Variants in C11orf65 observed in about 807,000 individuals in gnomAD.
C11orf65 encodes chromosome 11 open reading frame 65, also known as protein MFI.
C11orf65 carries 38 observed loss-of-function variants against 35.3 expected under a neutral mutation model. The ratio of observed to expected loss-of-function variants is 1.08; its 90% CI spans 0.83 to 1.41. C11orf65 has a LOEUF of 1.41. C11orf65 is among the 40% of genes most tolerant of loss of function. The pLI, the probability that C11orf65 is intolerant of heterozygous loss-of-function variation, is 0.00. For missense variants in C11orf65, 370 were observed against 367.1 expected (o/e 1.01, Z -0.06); for synonymous variants, 105 against 114.4 (o/e 0.92, Z 0.53).
At chr11:108,344,733 G>A (rs1354835104) in intron 2 of C11orf65, among the ~76,000 whole-genome samples, 2 of 152,118 alleles carry the variant, frequency 1.3e-5, no homozygotes, top group African/African-American at 4.8e-5. Flanking sequence ...GGCGGGTGTG[G>A]TAGCGCATGC....
At chr11:108,332,549 A>G (rs559103031) in intron 3 of C11orf65, among the ~76,000 whole-genome samples, 3 of 152,314 alleles carry the variant, frequency 2.0e-5, no homozygotes, top group South Asian at 4.1e-4. Context: ...GCAAAGTGAA[A>G]CAATAGATTT....
intron 2 of C11orf65, among the ~76,000 whole-genome samples, chr11:108,344,798 G>GT (rs1478755091): frequency 4.6e-5 from 7 of 152,180 alleles, no homozygotes; most frequent in African/African-American, 1.7e-4. Context: ...GAGCCCAGGA[G>GT]TTTAAGACCA....
chr11:108,413,504 G>A (rs955139923), intron 3 of C11orf65, among the ~76,000 whole-genome samples: 3 of 152,128 alleles, frequency 2.0e-5, no homozygotes, highest in African/African-American at 7.2e-5. Context: ...TTTCCCATTT[G>A]AATGCCTTTT....
chr11:108,387,257 A>C (rs2092033245), intron 7 of C11orf65, among the ~76,000 whole-genome samples: 1 of 145,040 alleles, frequency 6.9e-6, no homozygotes. Context: ...TGGGTTCAAG[A>C]GATTCTCCTG....
Position 108,434,601 on chromosome 11 carries a change from CT to C in C11orf65, c.82-2764del, listed in dbSNP as rs200053944. On this transcript the variant is annotated intron_variant, in intron 2 of 8. Transcript: ENST00000393084. ...TACTGCCACCACTGAGAGAGTCCAA[CT>C]TGCCAACACAGAGACTAACACTGAG... 7.9e-3 allele frequency among the ~76,000 whole-genome samples: 1,200 copies of C among 152,068 alleles called. 8 individuals are homozygous for C. Among genetic ancestry groups the C allele is most frequent in the African/African-American group, 0.025 (1,025 of 41,480 alleles).
chr11:108,387,720 G>A (rs1483896651), intron 7 of C11orf65, among the ~76,000 whole-genome samples: 2 of 151,980 alleles, frequency 1.3e-5, no homozygotes, highest in African/African-American at 2.4e-5. Context: ...TAGAGATGGG[G>A]TCTCGGTATT....
At chr11:108,392,056 TTG>T (rs146638284) in intron 7 of C11orf65, among the ~76,000 whole-genome samples, 18 of 150,254 alleles carry the variant, frequency 1.2e-4, no homozygotes, top group East Asian at 5.8e-4. Context: ...ACTTGGCTTT[TTG>T]TGTGTGTGTG....
intron 6 of C11orf65, among the ~76,000 whole-genome samples, chr11:108,309,914 T>C (rs1011935357): frequency 6.6e-6 from 1 of 152,152 alleles, no homozygotes; most frequent in African/African-American, 2.4e-5. Context: ...GGTGATAGTC[T>C]ACAGGTTTTA....
At chr11:108,354,981 G>A in intron 2 of C11orf65, 1 of 961,780 alleles carries the variant, frequency 1.0e-6, no homozygotes, top group Non-Finnish European at 1.7e-6. Context: ...TTAACATAGG[G>A]GGATGTGGCT....
chr11:108,455,818 A>G (rs1436744551), intron 2 of C11orf65, among the ~76,000 whole-genome samples: 2 of 137,764 alleles, frequency 1.5e-5, no homozygotes, highest in South Asian at 2.2e-4. Context: ...TCCACCTCAA[A>G]AAAAAAAAAA....
At chr11:108,319,433 A>T (rs1426102020) in intron 6 of C11orf65, among the ~76,000 whole-genome samples, 1 of 152,104 alleles carries the variant, frequency 6.6e-6, no homozygotes, top group Non-Finnish European at 1.5e-5. Flanking sequence ...CCCAGTTACC[A>T]TGCGGGTGGC....
At chr11:108,463,061 A>C (rs1309892638) in intron 1 of C11orf65, among the ~76,000 whole-genome samples, 1 of 152,110 alleles carries the variant, frequency 6.6e-6, no homozygotes, top group Non-Finnish European at 1.5e-5. Flanking sequence ...AGGAGTTCAA[A>C]ACTGCAGTGA....
chr11:108,446,720 T>C (rs2093266897), intron 2 of C11orf65, among the ~76,000 whole-genome samples: 1 of 152,110 alleles, frequency 6.6e-6, no homozygotes, highest in Admixed American at 6.5e-5. Context: ...AGAAACTGCA[T>C]CAACTAACGA....
At chr11:108,329,535 C>A (rs943600373), downstream of C11orf65, among the ~76,000 whole-genome samples, 2 of 152,198 alleles carry the variant, frequency 1.3e-5, no homozygotes, top group Non-Finnish European at 2.9e-5. Flanking sequence ...CCCCTGAGCC[C>A]CCGAAATAGC....
chr11:108,403,276 AT>A (rs1433062030), intron 6 of C11orf65, among the ~76,000 whole-genome samples: 3 of 152,124 alleles, frequency 2.0e-5, no homozygotes, highest in Non-Finnish European at 1.5e-5. Flanking sequence ...TCTCATTATC[AT>A]TTTAGTTAGC....
chr11:108,382,783 A>T lies in C11orf65; in HGVS notation c.*238T>A. 1 of 984,280 alleles carries T rather than the reference A, an allele frequency of 1.0e-6. No homozygotes were observed. The highest frequency in any genetic ancestry group is 4.7e-5 in the South Asian group (1 of 21,254). The allele number at this position is 984,280 out of a possible 1,614,324, so 61.0% of individuals were successfully genotyped here. A position where few individuals can be genotyped will look rare whatever the true frequency, so the allele number is the denominator to read the frequency against. On this transcript the variant is annotated 3_prime_UTR_variant, in exon 9 of 9. Coordinates refer to ENST00000393084, the MANE Select transcript of C11orf65 (RefSeq NM_152587.5). ...CACCTAAATGTAGTCTCTTTACTTA[A>T]GTGTGACTGTTAGAATACTACAGTT...
chr11:108,461,705 G>GCAGTTTATCAAGACAGGGGAATTGCAA (rs1591622256), intron 1 of C11orf65, 137 bp from the exon 2 acceptor site: 1 of 568,788 alleles, frequency 1.8e-6, no homozygotes, highest in East Asian at 3.3e-5. Context: ...ATAGCTCACT[G>GCAGTTTATCAAGACAGGGGAATTGCAA]TAGCCTCAAA....
intron 7 of C11orf65, 94 bp downstream of exon 7, chr11:108,393,114 T>A: frequency 7.4e-7 from 1 of 1,344,174 alleles, no homozygotes; most frequent in Non-Finnish European, 1.0e-6. Flanking sequence ...TTGAAGATTG[T>A]TTGTGGCCCC....
intron 2 of C11orf65, among the ~76,000 whole-genome samples, chr11:108,443,178 A>C (rs945816165): frequency 1.3e-5 from 2 of 151,424 alleles, no homozygotes; most frequent in East Asian, 1.9e-4. Flanking sequence ...CTACAATCCT[A>C]GCCTCTGATA....
Sources: gnomAD v4.1 joint callset for allele counts (sites outside exome capture counted in the v4.1 genomes callset) on GRCh38, gnomAD v4.1.1 for gene constraint, MANE v1.5 for transcripts, NCBI Gene and HGNC (gene_info 2026-07-23, HGNC 2026-07-21) for gene names.